Variants in EPHA3 observed in about 807,000 individuals in gnomAD.
The protein encoded by EPHA3 is ephrin type-A receptor 3.
Under a neutral mutation model 107.1 loss-of-function variants are expected in EPHA3, and 42 were observed. The ratio of observed to expected loss-of-function variants is 0.39; its 90% CI spans 0.31 to 0.51. EPHA3 has a LOEUF of 0.51. Among genes scored for constraint, EPHA3 ranks in the 20% least tolerant of loss-of-function variants. The pLI, the probability that EPHA3 is intolerant of heterozygous loss-of-function variation, is 0.78. For synonymous variants in EPHA3, 461 were observed against 424.8 expected, an observed-to-expected ratio of 1.09 and a Z score of -1.05; for missense variants, 1,183 against 1,211.2, an observed-to-expected ratio of 0.98 and a Z score of 0.35.
In EPHA3 at chr3:89,413,231, C is replaced by A. The variant is rs2107522066; in HGVS notation, c.1853C>A (p.Ala618Asp). The change falls in exon 10 of 17, where the codon GCC (alanine) becomes GAC (aspartate). Residue 618 changes from alanine (A) to aspartate (D), a missense_variant. Transcript: ENST00000336596. ...CATGAGTTTGCCAAGGAATTGGATG[C>A]CACCAACATATCCATTGATAAAGTT... The part of the protein sequence containing the change: ...AVHEFAKELD[A>D]TNISIDKVVG... The A allele has an allele frequency of 6.2e-7, 1 of 1,611,754 alleles. No homozygotes were observed. The highest frequency in any genetic ancestry group is 8.5e-7 in the Non-Finnish European group (1 of 1,178,396).
intron 3 of EPHA3, among the ~76,000 whole-genome samples, chr3:89,212,718 GAT>G (rs1419927487): frequency 6.6e-6 from 1 of 152,052 alleles, no homozygotes; most frequent in South Asian, 2.1e-4. Context: ...ATTTGAGCCA[GAT>G]AGCAGAAGGT....
chr3:89,177,462 C>G (rs1461196760), intron 2 of EPHA3, among the ~76,000 whole-genome samples: 2 of 152,160 alleles, frequency 1.3e-5, no homozygotes, highest in Non-Finnish European at 2.9e-5. Context: ...TTGATGTTCC[C>G]TCTCCCATTG....
intron 2 of EPHA3, among the ~76,000 whole-genome samples, chr3:89,172,601 A>C (rs548438576): frequency 6.6e-6 from 1 of 152,342 alleles, no homozygotes; most frequent in Non-Finnish European, 1.5e-5. Flanking sequence ...AAGTGGATCC[A>C]TTGGAAGCTA....
rs1187836345 is a variant in EPHA3, at chr3:89,210,269, C to T, written c.563C>T (p.Ala188Val). The T allele has an allele frequency of 6.2e-7, 1 of 1,613,934 alleles. No individual in the cohort carries two copies. Among genetic ancestry groups the T allele is most frequent in the Admixed American group, 1.7e-5 (1 of 59,984 alleles). ...TATTTGGCATTTCAAGATGTTGGTG[C>T]TTGTGTTGCCTTGGTGTCTGTGAGA... is the stretch of plus-strand genomic sequence containing the variant. ...GFYLAFQDVG[A>V]CVALVSVRVY... Residue 188 changes from alanine (A) to valine (V), a missense_variant, in exon 3 of 17, where the codon GCT (alanine) becomes GTT (valine). Transcript: ENST00000336596.
rs374866003 is a variant in EPHA3, at chr3:89,185,460, A to G, written c.154-24400A>G. On this transcript the variant is annotated intron_variant, in intron 2 of 16. Coordinates refer to ENST00000336596, the MANE Select transcript of EPHA3 (RefSeq NM_005233.6). ...GAGAGAATAGATCTCAGGAAAGCTA[A>G]GTAATTTAACAGATATCAACAGATA... is the stretch of plus-strand genomic sequence containing the variant. 9.9e-5 allele frequency among the ~76,000 whole-genome samples: 15 copies of G among 152,200 alleles called. No individual in the cohort carries two copies. The East Asian group carries it at 2.9e-3, about 29-fold the overall frequency.
intron 3 of EPHA3, among the ~76,000 whole-genome samples, chr3:89,329,337 T>C (rs1216455602): frequency 3.3e-5 from 5 of 151,988 alleles, no homozygotes; most frequent in Non-Finnish European, 7.4e-5. Flanking sequence ...GATGGCCAAG[T>C]CTGAGGTTAT....
intron 3 of EPHA3, among the ~76,000 whole-genome samples, chr3:89,319,595 G>A (rs1176413614): frequency 6.6e-6 from 1 of 151,858 alleles, no homozygotes; most frequent in Non-Finnish European, 1.5e-5. Context: ...GAAGCTCATA[G>A]AAGCTCAGCA....
chr3:89,108,780 A>G (rs1374602314), intron 1 of EPHA3, among the ~76,000 whole-genome samples: 1 of 152,198 alleles, frequency 6.6e-6, no homozygotes, highest in Non-Finnish European at 1.5e-5. Flanking sequence ...TCTTGTGAAT[A>G]CAGTCACTAA....
chr3:89,115,252 T>A (rs1166643086), intron 1 of EPHA3, among the ~76,000 whole-genome samples: 7 of 152,134 alleles, frequency 4.6e-5, no homozygotes, highest in Non-Finnish European at 8.8e-5. Context: ...ATATCTTTTT[T>A]TTTTTTTAGA....
chr3:89,359,865 G>T (rs1260874021), intron 5 of EPHA3, among the ~76,000 whole-genome samples: 2 of 124,658 alleles, frequency 1.6e-5, no homozygotes, highest in Non-Finnish European at 3.5e-5. Context: ...TTGGATTGTT[G>T]CAGTGGCCTG....
chr3:89,418,302 A>G (rs1052355417), intron 10 of EPHA3, among the ~76,000 whole-genome samples: 5 of 151,406 alleles, frequency 3.3e-5, no homozygotes, highest in African/African-American at 4.8e-5. Context: ...TGAACAAAGG[A>G]CATTCTATAG....
At chr3:89,455,921 T>C (rs1205146599) in intron 15 of EPHA3, among the ~76,000 whole-genome samples, 4 of 152,226 alleles carry the variant, frequency 2.6e-5, no homozygotes, top group African/African-American at 9.6e-5. Context: ...CTGTGTATTC[T>C]TTTTAACTAT....
intron 3 of EPHA3, among the ~76,000 whole-genome samples, chr3:89,285,923 G>A (rs189382360): frequency 6.6e-6 from 1 of 152,028 alleles, no homozygotes; most frequent in Non-Finnish European, 1.5e-5. Context: ...AGGAAGAAGC[G>A]TTGGTCAACT....
intron 3 of EPHA3, among the ~76,000 whole-genome samples, chr3:89,314,522 G>C (rs1706850619): frequency 6.6e-6 from 1 of 151,882 alleles, no homozygotes; most frequent in South Asian, 2.1e-4. Context: ...AATAAATTAT[G>C]AAAGAATACA....
intron 2 of EPHA3, among the ~76,000 whole-genome samples, chr3:89,129,898 A>G (rs1428114527): frequency 6.6e-6 from 1 of 152,192 alleles, no homozygotes; most frequent in Non-Finnish European, 1.5e-5. Flanking sequence ...TTTCAAATTA[A>G]TTAACTCTAA....
chr3:89,325,970 A>T (rs932509318), intron 3 of EPHA3, among the ~76,000 whole-genome samples: 1 of 151,266 alleles, frequency 6.6e-6, no homozygotes, highest in Admixed American at 6.6e-5. Context: ...TCTTTAATAT[A>T]ACCAAAGATT....
At chr3:89,143,836 A>AT (rs545830251) in intron 2 of EPHA3, among the ~76,000 whole-genome samples, 2 of 151,430 alleles carry the variant, frequency 1.3e-5, no homozygotes, top group Non-Finnish European at 3.0e-5. Context: ...GTAGGAAGGA[A>AT]TTTTTTTCTT....
chr3:89,214,657 T>C (rs1045928403), intron 3 of EPHA3, among the ~76,000 whole-genome samples: 7 of 151,942 alleles, frequency 4.6e-5, no homozygotes, highest in Non-Finnish European at 8.8e-5. Context: ...TGATATTTCC[T>C]CCATTATCTT....
At chr3:89,375,936 G>A (rs1435504696) in intron 5 of EPHA3, among the ~76,000 whole-genome samples, 1 of 151,888 alleles carries the variant, frequency 6.6e-6, no homozygotes, top group Admixed American at 6.6e-5. Context: ...GAATGTTTCA[G>A]ATCTCCATAA....
Sources: gnomAD v4.1 joint callset for allele counts (sites outside exome capture counted in the v4.1 genomes callset) on GRCh38, gnomAD v4.1.1 for gene constraint, MANE v1.5 for transcripts, NCBI Gene and HGNC (gene_info 2026-07-23, HGNC 2026-07-21) for gene names.